Variants in KNDC1 observed in about 807,000 individuals in gnomAD.
KNDC1 encodes the protein kinase non-catalytic C-lobe domain-containing protein 1.
KNDC1 carries 106 observed loss-of-function variants against 172.8 expected under a neutral mutation model. That is an observed-to-expected ratio of 0.61 (90% CI 0.52 to 0.72). The LOEUF is 0.72. KNDC1 is among the 30% of genes least tolerant of loss of function. The pLI is 0.00. For missense variants in KNDC1, 2,325 were observed against 2,394.5 expected (o/e 0.97, Z 0.61); for synonymous variants, 1,083 against 1,062.2 (o/e 1.02, Z -0.38).
chr10:133,202,948 G>A (rs1383268641), intron 17 of KNDC1, among the ~76,000 whole-genome samples: 1 of 152,184 alleles, frequency 6.6e-6, no homozygotes. Context: ...CAAACGACCC[G>A]GCCCCCAAAC....
chr10:133,207,397 G>C, intron 20 of KNDC1, 46 bp downstream of exon 20: 4 of 1,575,004 alleles, frequency 2.5e-6, no homozygotes, highest in Non-Finnish European at 3.5e-6. Flanking sequence ...CGTAGCCCGG[G>C]GTGCTGAGAA....
chr10:133,195,894 G>A (rs1230585443), intron 10 of KNDC1, 73 bp downstream of exon 10: 19 of 1,388,700 alleles, frequency 1.4e-5, no homozygotes, highest in Non-Finnish European at 1.2e-5. Context: ...CGCTGAGCTG[G>A]GGGTGGAGGA....
At chr10:133,200,587 C>A in intron 16 of KNDC1, 127 bp downstream of exon 16, 3 of 688,098 alleles carry the variant, frequency 4.4e-6, no homozygotes, top group Non-Finnish European at 6.2e-6. Flanking sequence ...GCTGCCTTTG[C>A]CCCGGGGGTG....
rs575971295 is a variant in KNDC1 at position 133,167,586 on chromosome 10, C to CGGCGGT, written c.301+19_301+24dup. 269 of 1,574,460 alleles carry CGGCGGT rather than the reference C, an allele frequency of 1.7e-4. No homozygotes were observed. Among genetic ancestry groups the CGGCGGT allele is most frequent in the Middle Eastern group, 6.7e-4 (4 of 6,012 alleles). On this transcript the variant is annotated splice_region_variant and intron_variant, in intron 2 of 29. Coordinates refer to ENST00000304613, the MANE Select transcript of KNDC1 (RefSeq NM_152643.8). ...TTCATGGAGCAGCTCAGCGGTGAGG[C>CGGCGGT]GGCGGTGGCGGTGGCGGCGGCGGCG...
intron 17 of KNDC1, chr10:133,202,189 C>A (rs1355389222): frequency 3.0e-6 from 2 of 673,868 alleles, no homozygotes; most frequent in Non-Finnish European, 5.5e-6. Context: ...TCACAGGAGG[C>A]CCCTCCATGC....
At chr10:133,184,588 A>C (rs965143650) in intron 5 of KNDC1, among the ~76,000 whole-genome samples, 10 of 152,252 alleles carry the variant, frequency 6.6e-5, no homozygotes, top group Non-Finnish European at 1.3e-4. Context: ...CAGAATGCAC[A>C]CATTACACAC....
rs571138009 is a variant in KNDC1, at chr10:133,186,921, C to T, written c.1326+247C>T. On this transcript the variant is annotated intron_variant, in intron 6 of 29. Coordinates refer to ENST00000304613, the MANE Select transcript of KNDC1 (RefSeq NM_152643.8). ...GCCTCTGGATGACCCAGAAAGCAGC[C>T]GCCTCCTCAGCCCTGCCCGGCTCCT... 1.2e-4 allele frequency among the ~76,000 whole-genome samples: 19 copies of T among 152,276 alleles called. No individual in the cohort carries two copies. In the East Asian group the frequency reaches 2.9e-3, roughly 23 times the overall value.
At chr10:133,184,436 CAA>C (rs1201192639) in intron 5 of KNDC1, among the ~76,000 whole-genome samples, 13 of 152,072 alleles carry the variant, frequency 8.5e-5, no homozygotes, top group African/African-American at 1.4e-4. Flanking sequence ...AGAGATCACA[CAA>C]ACTCACGTAT....
chr10:133,204,527 C>T (rs1337565469), intron 17 of KNDC1, among the ~76,000 whole-genome samples: 2 of 152,036 alleles, frequency 1.3e-5, no homozygotes, highest in South Asian at 2.1e-4. Flanking sequence ...ACTGCCGTAG[C>T]GGGGAGCCTG....
intron 29 of KNDC1, among the ~76,000 whole-genome samples, chr10:133,222,076 GTTC>G (rs1845605687): frequency 1.3e-5 from 2 of 150,856 alleles, no homozygotes; most frequent in African/African-American, 4.9e-5. Flanking sequence ...GAGGTCAGGA[GTTC>G]AAGACCAGCC....
intron 7 of KNDC1, 120 bp from the exon 8 acceptor site, chr10:133,189,478 C>A: frequency 1.1e-6 from 1 of 918,948 alleles, no homozygotes; most frequent in Non-Finnish European, 1.7e-6. Context: ...GGTGCGTGCC[C>A]GTGCAATGGG....
At chr10:133,195,532 G>A (rs1172226347) in intron 9 of KNDC1, 131 bp from the exon 10 acceptor site, 1 of 800,994 alleles carries the variant, frequency 1.2e-6, no homozygotes, top group Middle Eastern at 3.0e-4. Context: ...ATGCTGAGGA[G>A]GGGTCTTGAG....
chr10:133,176,420 A>G (rs1417540765), intron 3 of KNDC1, among the ~76,000 whole-genome samples: 1 of 152,108 alleles, frequency 6.6e-6, no homozygotes, highest in South Asian at 2.1e-4. Context: ...TTCTATTCTC[A>G]AGGCTGTGGG....
chr10:133,218,476 G>A (rs1216096283), intron 26 of KNDC1, among the ~76,000 whole-genome samples: 1 of 152,202 alleles, frequency 6.6e-6, no homozygotes, highest in African/African-American at 2.4e-5. Context: ...CTGTGGACAC[G>A]ACAGCGGCCT....
Position 133,198,904 on chromosome 10 carries a change from C to A in KNDC1, c.2396C>A (p.Ala799Asp). Residue 799 changes from alanine to aspartate, a missense_variant, in exon 14 of 30, where the codon GCT becomes GAT. By Grantham distance (126) the Ala-to-Asp change is moderately radical (BLOSUM62 -2). Coordinates refer to ENST00000304613, the MANE Select transcript of KNDC1 (RefSeq NM_152643.8). The stretch of plus-strand genomic sequence containing the variant: ...GCGCTGCCCGTAGAGCAAGGGCCGG[C>A]TGAGCCGATCCCACCTGGAGTTGCT... ...ASALPVEQGPAEPIPPGVASG... is the reference protein window; with the variant it reads ...ASALPVEQGPDEPIPPGVASG... The A allele has an allele frequency of 6.3e-7, 1 of 1,585,624 alleles. No individual in the cohort carries two copies. Among genetic ancestry groups the A allele is most frequent in the Non-Finnish European group, 8.5e-7 (1 of 1,170,754 alleles).
At chr10:133,207,900 C>A (rs538411665) in intron 20 of KNDC1, among the ~76,000 whole-genome samples, 6 of 152,334 alleles carry the variant, frequency 3.9e-5, no homozygotes, top group Non-Finnish European at 5.9e-5. Context: ...CCCCCGGCCG[C>A]CCCACCAGCC....
At chr10:133,161,610 C>T (rs981913969) in intron 1 of KNDC1, among the ~76,000 whole-genome samples, 1 of 152,176 alleles carries the variant, frequency 6.6e-6, no homozygotes, top group Admixed American at 6.5e-5. Flanking sequence ...CTAGAAACAG[C>T]TGAGGCTGTG....
intron 25 of KNDC1, 118 bp downstream of exon 25, chr10:133,213,845 G>C (rs1211693584): frequency 7.0e-7 from 1 of 1,437,592 alleles, no homozygotes; most frequent in Non-Finnish European, 9.7e-7. Flanking sequence ...AGACGCGAGA[G>C]AGTGGTGTCT....
chr10:133,211,999 A>T (rs1027616331), intron 23 of KNDC1, 141 bp downstream of exon 23: 14 of 755,362 alleles, frequency 1.9e-5, no homozygotes, highest in African/African-American at 5.3e-5. Context: ...ATACACATAG[A>T]CGTGTGCACA....
Sources: allele counts gnomAD v4.1 joint callset (sites outside exome capture counted in the v4.1 genomes callset), GRCh38; gene constraint gnomAD v4.1.1; transcripts MANE v1.5; gene names NCBI Gene and HGNC (gene_info 2026-07-23, HGNC 2026-07-21).